Variants in NSD2 observed in about 807,000 individuals in gnomAD.
NSD2 encodes the protein histone-lysine N-methyltransferase NSD2.
NSD2 carries 12 observed loss-of-function variants against 139.0 expected under a neutral mutation model. That is an observed-to-expected ratio of 0.09 (90% CI 0.06 to 0.14). The LOEUF (loss-of-function observed/expected upper bound fraction) is 0.14. NSD2 is among the 10% of genes least tolerant of loss of function. The pLI is 1.00. For missense variants in NSD2, 1,155 were observed against 1,745.0 expected (o/e 0.66, Z 6.02); for synonymous variants, 669 against 648.7 (o/e 1.03, Z -0.48).
chr4:1,880,927 T>C (rs1484049653), intron 1 of NSD2, among the ~76,000 whole-genome samples: 1 of 152,232 alleles, frequency 6.6e-6, no homozygotes, highest in African/African-American at 2.4e-5. Flanking sequence ...ATTATATTTA[T>C]TATTGAGGAA....
At chr4:1,878,432 G>A (rs934508605) in intron 1 of NSD2, among the ~76,000 whole-genome samples, 2 of 151,460 alleles carry the variant, frequency 1.3e-5, no homozygotes, top group African/African-American at 4.9e-5. Flanking sequence ...TAATTATTCT[G>A]TTGCTATCTG....
chr4:1,968,476 G>A lies in NSD2; in HGVS notation c.3373-6387G>A, dbSNP rs371671528. Among the ~76,000 whole-genome samples, 119 of 152,296 alleles carry A rather than the reference G, an allele frequency of 7.8e-4. 4 individuals are homozygous for A. The South Asian group carries it at 0.024, about 30-fold the overall frequency. On this transcript the variant is annotated intron_variant, in intron 18 of 21. Transcript: ENST00000508803. ...CCTTAGACTTTGTTAAAGTATACATGTGACGTCTACATGGGAAACTGCTAA... is the reference window on the plus strand; with the variant it reads ...CCTTAGACTTTGTTAAAGTATACATATGACGTCTACATGGGAAACTGCTAA...
rs1032317832 is a variant in NSD2, at chr4:1,942,102, T to C, written c.1881+2324T>C. 1 of 1,241,108 alleles carries C rather than the reference T, an allele frequency of 8.1e-7. No homozygotes were observed. The highest frequency in any genetic ancestry group is 1.0e-6 in the Non-Finnish European group (1 of 986,004). 76.9% of individuals were successfully genotyped at this position (1,241,108 alleles called of 1,614,324 possible). On this transcript the variant is annotated intron_variant, in intron 9 of 21. Coordinates refer to ENST00000508803, the MANE Select transcript of NSD2 (RefSeq NM_001042424.3). This position sits in a 1 kb window ranked among gnomAD's most constrained non-coding sequence, Gnocchi z 4.0. ...ATAGGGTTGGTATTTCAGAACACTT[T>C]AGGTCATGTTGTAGTTTAAATTCTT...
chr4:1,899,688 A>G (rs1716906712), intron 1 of NSD2, among the ~76,000 whole-genome samples: 1 of 152,118 alleles, frequency 6.6e-6, no homozygotes, highest in African/African-American at 2.4e-5. Context: ...CCCCTTCACT[A>G]GATGTCTCAG....
chr4:1,971,771 G>T (rs1726508098), intron 18 of NSD2, among the ~76,000 whole-genome samples: 1 of 152,200 alleles, frequency 6.6e-6, no homozygotes, highest in Non-Finnish European at 1.5e-5. Flanking sequence ...ACTGCAAGGA[G>T]GGCTTAACAA....
chr4:1,898,318 C>T (rs948249919), intron 1 of NSD2, among the ~76,000 whole-genome samples: 12 of 152,204 alleles, frequency 7.9e-5, no homozygotes, highest in Non-Finnish European at 1.3e-4. Context: ...AATTCCTGGA[C>T]TTGAGTGATC....
intron 3 of NSD2, chr4:1,911,951 G>A (rs182632081): frequency 1.8e-4 from 34 of 187,344 alleles, no homozygotes; most frequent in African/African-American, 6.9e-4. Flanking sequence ...ATTTTATATT[G>A]TGTGTGCTGT....
At chr4:1,947,458 C>T in intron 9 of NSD2, 1 of 1,058,962 alleles carries the variant, frequency 9.4e-7, no homozygotes, top group Non-Finnish European at 1.1e-6. Context: ...CACCCCCAGC[C>T]CTGACCCTAG....
At chr4:1,916,212 G>T (rs1036680935) in intron 3 of NSD2, among the ~76,000 whole-genome samples, 2 of 152,146 alleles carry the variant, frequency 1.3e-5, no homozygotes, top group African/African-American at 4.8e-5. Flanking sequence ...TGTGATGTCC[G>T]TATACTGCCT....
chr4:1,979,199 C>T lies in NSD2; in HGVS notation c.*290C>T, dbSNP rs1727492944. 1 of 361,514 alleles carries T rather than the reference C, an allele frequency of 2.8e-6. No homozygotes were observed. Among genetic ancestry groups the T allele is most frequent in the Admixed American group, 4.7e-5 (1 of 21,454 alleles). The allele number at this position is 361,514 out of a possible 1,614,324, so 22.4% of individuals were successfully genotyped here. A position where few individuals can be genotyped will look rare whatever the true frequency, so the allele number is the denominator to read the frequency against. On this transcript the variant is annotated 3_prime_UTR_variant, in exon 22 of 22. Coordinates refer to ENST00000508803, the MANE Select transcript of NSD2 (RefSeq NM_001042424.3). ...TTCTCCGAATGTCAAGGTTCCCTCCCACTCTATTTTTTTAGGTTAAAGTTA... is the reference window on the plus strand; with the variant it reads ...TTCTCCGAATGTCAAGGTTCCCTCCTACTCTATTTTTTTAGGTTAAAGTTA...
At chr4:1,876,810 C>T (rs963501789) in intron 1 of NSD2, among the ~76,000 whole-genome samples, 1 of 151,988 alleles carries the variant, frequency 6.6e-6, no homozygotes, top group South Asian at 2.1e-4. Context: ...TGAGTTGGCA[C>T]TGAGAGAGTT....
intron 3 of NSD2, among the ~76,000 whole-genome samples, chr4:1,915,642 G>A (rs1159379639): frequency 6.6e-6 from 1 of 152,130 alleles, no homozygotes; most frequent in African/African-American, 2.4e-5. Flanking sequence ...TTAAGAGCAC[G>A]ACACTTAGAG....
intron 2 of NSD2, among the ~76,000 whole-genome samples, chr4:1,902,730 CCAAA>C (rs1471519166): frequency 6.6e-6 from 1 of 152,092 alleles, no homozygotes; most frequent in Non-Finnish European, 1.5e-5. Flanking sequence ...GAAAAACAAA[CCAAA>C]CAAAAAAATC....
At position 1,891,413 on chromosome 4, in the gene NSD2, A is replaced by C. The variant is rs138581332; in HGVS notation, c.-29-9213A>C. On this transcript the variant is annotated intron_variant, in intron 1 of 21. Coordinates refer to ENST00000508803, the MANE Select transcript of NSD2 (RefSeq NM_001042424.3). The stretch of plus-strand genomic sequence containing the variant: ...CCGTCTCACGGCCTGGCTCTGGGGA[A>C]TGTCCTGAATATCTCACTGCTGTCC... Among the ~76,000 whole-genome samples the C allele has an allele frequency of 2.1e-3, 317 of 152,296 alleles. 1 individual carries two copies. The highest frequency in any genetic ancestry group is 7.4e-3 in the African/African-American group (307 of 41,550).
intron 18 of NSD2, among the ~76,000 whole-genome samples, chr4:1,961,386 G>T (rs1330145995): frequency 6.6e-6 from 1 of 152,252 alleles, no homozygotes; most frequent in East Asian, 1.9e-4. Flanking sequence ...TTGTCCGGGT[G>T]TGCATGCAGA....
rs746279426 is a variant in NSD2 at position 1,938,416 on chromosome 4, C to CTTT, written c.1675-12_1675-10dup. On this transcript the variant is annotated intron_variant, in intron 7 of 21. Transcript: ENST00000508803. ...TTTTTCTTTTCTTTTTTTTTTCTTT[C>CTTT]TTTTTTTTTTTTTTTTTTTTTTTTT... 488 of 325,426 alleles carry CTTT rather than the reference C, an allele frequency of 1.5e-3. 1 individual carries two copies. The highest frequency in any genetic ancestry group is 3.8e-3 in the South Asian group (66 of 17,560). 20.2% of individuals were successfully genotyped at this position (325,426 alleles called of 1,614,324 possible).
chr4:1,907,655 CTG>C (rs1252611679), intron 3 of NSD2, among the ~76,000 whole-genome samples: 18 of 124,148 alleles, frequency 1.4e-4, no homozygotes, highest in Middle Eastern at 5.8e-3. Flanking sequence ...CAGTCTCACT[CTG>C]TTGCCAGGCT....
At position 1,979,940 on chromosome 4, in the gene NSD2, G is replaced by A. The variant is rs904692244; in HGVS notation, c.*1031G>A. On this transcript the variant is annotated 3_prime_UTR_variant, in exon 22 of 22. Transcript: ENST00000508803. ...CCCGTAGGGCGCTGCAGGCCCCGGGGACCCCAGCACGTGGGTCTAAAGAGA... is the reference window on the plus strand; with the variant it reads ...CCCGTAGGGCGCTGCAGGCCCCGGGAACCCCAGCACGTGGGTCTAAAGAGA... 10 of 232,726 alleles carry A rather than the reference G, an allele frequency of 4.3e-5. No individual in the cohort carries two copies. The East Asian group carries it at 6.1e-4, about 14-fold the overall frequency. The allele number at this position is 232,726 out of a possible 1,614,324, so 14.4% of individuals were successfully genotyped here. A position where few individuals can be genotyped will look rare whatever the true frequency, so the allele number is the denominator to read the frequency against.
In NSD2 at chr4:1,974,121, C is replaced by G. The variant is rs934414881; in HGVS notation, c.3373-742C>G. The stretch of plus-strand genomic sequence containing the variant: ...GCCATGGGTGCAAAGTCAGAGCTCA[C>G]TGTCACTCGGATCTGCATTTCTCCA... On this transcript the variant is annotated intron_variant, in intron 18 of 21. Transcript: ENST00000508803. The surrounding 1 kb of genome is among the most constrained non-coding windows in gnomAD (Gnocchi z 4.0). Among the ~76,000 whole-genome samples the G allele has an allele frequency of 2.6e-5, 4 of 152,212 alleles. No individual in the cohort carries two copies. The highest frequency in any genetic ancestry group is 9.6e-5 in the African/African-American group (4 of 41,458).
Sources: allele counts gnomAD v4.1 joint callset (sites outside exome capture counted in the v4.1 genomes callset), GRCh38; gene constraint gnomAD v4.1.1; non-coding constraint Gnocchi (gnomAD v3.1); transcripts MANE v1.5; gene names NCBI Gene and HGNC (gene_info 2026-07-23, HGNC 2026-07-21).